The following TMC2 variants were observed in gnomAD, a reference collection of about 807,000 sequenced individuals.
TMC2 encodes transmembrane channel like 2.
A neutral mutation model predicts 105.9 loss-of-function variants in TMC2; 102 were observed. That is an observed-to-expected ratio of 0.96 (90% CI 0.82 to 1.14). TMC2 has a LOEUF of 1.14. Ranked by LOEUF, TMC2 falls within the 50% of genes most tolerant of loss-of-function variation. The pLI, the probability that TMC2 is intolerant of heterozygous loss-of-function variation, is 0.00. For missense variants in TMC2, 1,093 were observed against 1,134.3 expected, an observed-to-expected ratio of 0.96 and a Z score of 0.52; for synonymous variants, 402 against 422.8, an observed-to-expected ratio of 0.95 and a Z score of 0.60.
At chr20:2,589,517 T>A (rs1328301430) in intron 7 of TMC2, among the ~76,000 whole-genome samples, 2 of 152,082 alleles carry the variant, frequency 1.3e-5, no homozygotes, top group African/African-American at 4.8e-5. Flanking sequence ...AACGAATAAC[T>A]CATGGGGAAC....
intron 11 of TMC2, among the ~76,000 whole-genome samples, chr20:2,608,300 T>TTTATTTTTTTTTATTATTA (rs369930519): frequency 2.2e-5 from 3 of 134,598 alleles, no homozygotes; most frequent in African/African-American, 8.1e-5. Flanking sequence ...CTTATTTTTA[T>TTTATTTTTTTTTATTATTA]TTATTATTAT....
intron 17 of TMC2, among the ~76,000 whole-genome samples, chr20:2,631,672 C>A (rs767340165): frequency 6.8e-6 from 1 of 147,244 alleles, no homozygotes; most frequent in Non-Finnish European, 1.5e-5. Context: ...TTATTTGTTT[C>A]TCTCTTTCTG....
At chr20:2,624,560 G>A (rs2086550988) in intron 17 of TMC2, among the ~76,000 whole-genome samples, 164 bp downstream of exon 17, 1 of 152,180 alleles carries the variant, frequency 6.6e-6, no homozygotes, top group African/African-American at 2.4e-5. Context: ...AGGGGGTGAG[G>A]ACTTGAGACA....
At chr20:2,596,866 C>A (rs1266189247) in intron 9 of TMC2, among the ~76,000 whole-genome samples, 1 of 151,928 alleles carries the variant, frequency 6.6e-6, no homozygotes, top group Non-Finnish European at 1.5e-5. Flanking sequence ...CACAGGAAAT[C>A]GGGTGTAGGG....
At chr20:2,553,800 G>A (rs569585473) in intron 2 of TMC2, among the ~76,000 whole-genome samples, 42 of 152,236 alleles carry the variant, frequency 2.8e-4, no homozygotes, top group African/African-American at 9.6e-4. Flanking sequence ...GGTAGATTGT[G>A]TTTTTCCAGG....
intron 19 of TMC2, among the ~76,000 whole-genome samples, chr20:2,638,749 A>G (rs2146274834): frequency 6.6e-6 from 1 of 152,368 alleles, no homozygotes; most frequent in African/African-American, 2.4e-5. Flanking sequence ...AAAATTCTTA[A>G]AAACAGAAAA....
In TMC2 at chr20:2,558,655, C is replaced by T; in HGVS notation, c.282C>T (p.Thr94=). ...GEQERGEAER[T]CEGRRKRDER... ...AGGAGCGGGGCGAGGCAGAGAGGAC[C>T]TGCGAGGGCAGGAGAAAGCGCGACG... Residue 94 remains threonine, a synonymous_variant, in exon 3 of 20, where the codon ACC becomes ACT. Transcript: ENST00000358864. The surrounding 1 kb of genome is among the most constrained non-coding windows in gnomAD (Gnocchi z 4.6). 1 of 1,584,398 alleles carries T rather than the reference C, an allele frequency of 6.3e-7. No individual in the cohort carries two copies. The highest frequency in any genetic ancestry group is 8.6e-7 in the Non-Finnish European group (1 of 1,165,262).
chr20:2,631,740 C>A (rs2422807), intron 17 of TMC2, among the ~76,000 whole-genome samples: 112,189 of 148,974 alleles, frequency 0.75, 42,421 homozygotes, highest in East Asian at 0.87. Context: ...ATGTCTAGGA[C>A]TAGATCTCTT....
chr20:2,588,063 A>G (rs1165277728), intron 7 of TMC2, among the ~76,000 whole-genome samples: 1 of 150,912 alleles, frequency 6.6e-6, no homozygotes, highest in East Asian at 2.0e-4. Flanking sequence ...TATCACTCCA[A>G]GGTTATTTGA....
At position 2,566,603 on chromosome 20, in the gene TMC2, G is replaced by A. The variant is rs1399839809; in HGVS notation, c.554+4593G>A. Among the ~76,000 whole-genome samples the A allele has an allele frequency of 2.6e-5, 4 of 152,174 alleles. No individual in the cohort carries two copies. The South Asian group carries it at 8.3e-4, about 32-fold the overall frequency. On this transcript the variant is annotated intron_variant, in intron 4 of 19. Transcript: ENST00000358864. The stretch of plus-strand genomic sequence containing the variant: ...AGTGATTAGAGGACTTCTGCTTCTA[G>A]GTAGATGGAGTAGAGACGCTTTTCC...
intron 2 of TMC2, among the ~76,000 whole-genome samples, chr20:2,542,378 G>T (rs1202122838): frequency 6.6e-6 from 1 of 152,162 alleles, no homozygotes; most frequent in Non-Finnish European, 1.5e-5. Context: ...ATTCAGTAAG[G>T]TTTGTTAAGC....
In TMC2 at chr20:2,572,243, T is replaced by C. The variant is rs530417878; in HGVS notation, c.619T>C (p.Tyr207His). The change falls in exon 5 of 20, where the codon TAT (tyrosine) becomes CAT (histidine). Residue 207 changes from tyrosine to histidine, a missense_variant. Physicochemically the swap from Tyr to His is moderately conservative, Grantham distance 83 (BLOSUM62 2). Transcript: ENST00000358864. ...GGGAAAGGGGAAAGGCAAGCAACTA[T>C]ATGCCTACAAGATGCTGATGGCCAA... Reference protein sequence around the residue: ...ALGKGKGKQLYAYKMLMAKKW... With the variant: ...ALGKGKGKQLHAYKMLMAKKW... 3.1e-6 allele frequency: 5 copies of C among 1,613,504 alleles called. No individual in the cohort carries two copies. The highest frequency in any genetic ancestry group is 2.2e-5 in the South Asian group (2 of 91,066).
chr20:2,605,851 G>T (rs2086387323), intron 11 of TMC2, among the ~76,000 whole-genome samples: 1 of 152,190 alleles, frequency 6.6e-6, no homozygotes, highest in South Asian at 2.1e-4. Flanking sequence ...TTGCTGTTTA[G>T]GCTGGAAGTG....
chr20:2,588,275 C>G (rs2086244544), intron 7 of TMC2, among the ~76,000 whole-genome samples: 1 of 152,154 alleles, frequency 6.6e-6, no homozygotes. Flanking sequence ...CGCAAGGAAA[C>G]AGGGACCTCA....
At chr20:2,545,240 T>G (rs1186373569) in intron 2 of TMC2, among the ~76,000 whole-genome samples, 2 of 151,946 alleles carry the variant, frequency 1.3e-5, no homozygotes, top group African/African-American at 2.4e-5. Context: ...CATAAAGGCA[T>G]GCATACATAC....
At chr20:2,576,257 C>T (rs1453580624) in intron 5 of TMC2, among the ~76,000 whole-genome samples, 1 of 152,188 alleles carries the variant, frequency 6.6e-6, no homozygotes, top group Non-Finnish European at 1.5e-5. Flanking sequence ...CAGCAACCAC[C>T]TCACACAGGC....
At position 2,596,717 on chromosome 20, in the gene TMC2, A is replaced by ATATG. The variant is rs375342608; in HGVS notation, c.1077-433_1077-432insATGT. 1.7e-3 allele frequency among the ~76,000 whole-genome samples: 255 copies of ATATG among 146,196 alleles called. 1 individual carries two copies. Among genetic ancestry groups the ATATG allele is most frequent in the South Asian group, 4.2e-3 (19 of 4,506 alleles). ...CATTTTATATCAGAAAAAAATATAT[A>ATATG]TGTGTGTGTGTGTGTGTGTGTGTGT... On this transcript the variant is annotated intron_variant, in intron 9 of 19. Transcript: ENST00000358864.
intron 4 of TMC2, among the ~76,000 whole-genome samples, chr20:2,564,614 A>T (rs143680168): frequency 3.5e-4 from 54 of 152,284 alleles, no homozygotes; most frequent in African/African-American, 1.2e-3. Flanking sequence ...TGCAGCCTTG[A>T]TGCCTATGGA....
At chr20:2,586,217 C>T (rs896971495) in intron 7 of TMC2, among the ~76,000 whole-genome samples, 15 of 152,286 alleles carry the variant, frequency 9.8e-5, no homozygotes, top group African/African-American at 3.6e-4. Context: ...AAATACAACT[C>T]CTTGAGTTCA....
Sources: gnomAD v4.1 joint callset for allele counts (sites outside exome capture counted in the v4.1 genomes callset) on GRCh38, gnomAD v4.1.1 for gene constraint, Gnocchi (gnomAD v3.1) non-coding constraint, MANE v1.5 for transcripts, NCBI Gene and HGNC (gene_info 2026-07-23, HGNC 2026-07-21) for gene names.